The following EXOC3L2 variants were observed in gnomAD, a reference collection of about 807,000 sequenced individuals.
EXOC3L2 encodes exocyst complex component 3-like protein 2.
A neutral mutation model predicts 44.4 loss-of-function variants in EXOC3L2; 17 were observed. The observed-to-expected ratio is 0.38, with a 90% confidence interval of 0.26 to 0.57. The LOEUF (loss-of-function observed/expected upper bound fraction) is 0.57. Ranked by LOEUF, EXOC3L2 falls within the 20% of genes least tolerant of loss-of-function variation. EXOC3L2 has a pLI of 0.65. For missense variants in EXOC3L2, 541 were observed against 588.4 expected (o/e 0.92, Z 0.83); for synonymous variants, 256 against 253.7 (o/e 1.01, Z -0.09).
intron 7 of EXOC3L2, 48 bp from the exon 8 acceptor site, chr19:45,224,961 C>T (rs1599763304): frequency 6.7e-7 from 1 of 1,488,876 alleles, no homozygotes; most frequent in East Asian, 2.4e-5. Flanking sequence ...ACATCTCAGC[C>T]CAACTGCCTA....
chr19:45,233,848 GA>G (rs1397026792), intron 3 of EXOC3L2, among the ~76,000 whole-genome samples: 1 of 152,144 alleles, frequency 6.6e-6, no homozygotes, highest in Non-Finnish European at 1.5e-5. Flanking sequence ...AGGACTAGAG[GA>G]ATCAATGGTG....
intron 2 of EXOC3L2, among the ~76,000 whole-genome samples, chr19:45,236,936 C>T (rs1468237657): frequency 1.3e-5 from 2 of 149,748 alleles, no homozygotes; most frequent in African/African-American, 2.5e-5. Context: ...ACCCAGGAAG[C>T]GGAGGTTGCA....
intron 2 of EXOC3L2, among the ~76,000 whole-genome samples, chr19:45,235,103 C>T (rs1262444324): frequency 6.6e-6 from 1 of 152,066 alleles, no homozygotes; most frequent in Non-Finnish European, 1.5e-5. Flanking sequence ...GAGTTCAAGA[C>T]CAGCCTGGCC....
At chr19:45,236,466 A>G (rs1970084991) in intron 2 of EXOC3L2, among the ~76,000 whole-genome samples, 1 of 49,038 alleles carries the variant, frequency 2.0e-5, no homozygotes, top group Non-Finnish European at 5.3e-5. Flanking sequence ...ACTCCATCTC[A>G]AAAAAAAAAA....
At chr19:45,230,435 GTCTCAA>G (rs2122979762) in intron 4 of EXOC3L2, among the ~76,000 whole-genome samples, 1 of 152,058 alleles carries the variant, frequency 6.6e-6, no homozygotes, top group East Asian at 1.9e-4. Context: ...AGCCAGGATG[GTCTCAA>G]TCTCCTGACC....
At position 45,218,070 on chromosome 19, in the gene EXOC3L2, G is replaced by C. The variant is rs1333092355; in HGVS notation, c.1842+127C>G. 4 of 1,302,150 alleles carry C rather than the reference G, an allele frequency of 3.1e-6. 1 individual carries two copies. In the African/African-American group the frequency reaches 5.9e-5, roughly 19 times the overall value. The allele number at this position is 1,302,150 out of a possible 1,614,324, so 80.7% of individuals were successfully genotyped here. On this transcript the variant is annotated intron_variant, in intron 9 of 11. Transcript: ENST00000413988. ...AGGGAGCCGCTCCCCACCTTAGAGG[G>C]GTTTCCTCCAGCAGGAGCGTTCTTG... is the stretch of plus-strand genomic sequence containing the variant.
At chr19:45,243,088 G>A (rs1970143433) in intron 1 of EXOC3L2, among the ~76,000 whole-genome samples, 1 of 152,084 alleles carries the variant, frequency 6.6e-6, no homozygotes, top group African/African-American at 2.4e-5. Context: ...CATACTATTT[G>A]TATCTTGCAA....
chr19:45,214,367 T>C (rs187175824), intron 11 of EXOC3L2, among the ~76,000 whole-genome samples: 3 of 152,308 alleles, frequency 2.0e-5, no homozygotes, highest in Admixed American at 6.5e-5. Context: ...AGGACTGGCG[T>C]TGCTCCGGCA....
chr19:45,218,321 T>C lies in EXOC3L2; in HGVS notation c.1720-2A>G. ...GCGCATCAGCTTGTTGAAGTGTGGC[T>C]GGCAGGGACAGAGTAGGGGGTCACG... On this transcript the variant is annotated splice_acceptor_variant, in intron 8 of 11. Transcript: ENST00000413988. LOFTEE classifies it high-confidence loss of function. 1 of 1,600,554 alleles carries C rather than the reference T, an allele frequency of 6.2e-7. No individual in the cohort carries two copies. Among genetic ancestry groups the C allele is most frequent in the Non-Finnish European group, 8.5e-7 (1 of 1,173,142 alleles).
In EXOC3L2 at chr19:45,218,309, T is replaced by C. The variant is rs1969859820; in HGVS notation, c.1730A>G (p.Asn577Ser). 6.2e-7 allele frequency: 1 copy of C among 1,605,252 alleles called. No individual in the cohort carries two copies. Among genetic ancestry groups the C allele is most frequent in the African/African-American group, 1.3e-5 (1 of 74,764 alleles). ...CAGCCACTTCCGGCGCATCAGCTTG[T>C]TGAAGTGTGGCTGGCAGGGACAGAG... The part of the protein sequence containing the change: ...LLFQELQPHF[N>S]KLMRRKWLSS... Residue 577 changes from asparagine to serine, a missense_variant, in exon 9 of 12, where the codon AAC (asparagine) becomes AGC (serine). Coordinates refer to ENST00000413988, the MANE Select transcript of EXOC3L2 (RefSeq NM_001382422.1).
rs556041279 is a variant in EXOC3L2 at position 45,238,130 on chromosome 19, A to G, written c.523+393T>C. Among the ~76,000 whole-genome samples the G allele has an allele frequency of 6.6e-6, 1 of 152,052 alleles. No individual in the cohort carries two copies. Among genetic ancestry groups the G allele is most frequent in the Non-Finnish European group, 1.5e-5 (1 of 68,016 alleles). On this transcript the variant is annotated intron_variant, in intron 2 of 11. Coordinates refer to ENST00000413988, the MANE Select transcript of EXOC3L2 (RefSeq NM_001382422.1). The surrounding 1 kb of genome is among the most constrained non-coding windows in gnomAD (Gnocchi z 5.5). ...TCCAGCCTGGGCGACAGAGGCAAAAAAATAATAATAATAAAATAAATAAAA... is the reference window on the plus strand; with the variant it reads ...TCCAGCCTGGGCGACAGAGGCAAAAGAATAATAATAATAAAATAAATAAAA...
chr19:45,226,346 A>G (rs1389207298), intron 7 of EXOC3L2, among the ~76,000 whole-genome samples: 1 of 152,200 alleles, frequency 6.6e-6, no homozygotes, highest in African/African-American at 2.4e-5. Flanking sequence ...TCATGCTTGT[A>G]ATGCCAGCAT....
In EXOC3L2 at chr19:45,213,236, G is replaced by T; in HGVS notation, c.2242C>A (p.Arg748=). Reference sequence around the variant, plus strand: ...ATGTCTGCAAAGAAGGCACGGTCCCGAGGGGGTGACAGGGCTCCCTCCTCA... The same window carrying T: ...ATGTCTGCAAAGAAGGCACGGTCCCTAGGGGGTGACAGGGCTCCCTCCTCA... ...LSEEGALSPP[R]DRAFFADIPV... Residue 748 remains arginine (R), a synonymous_variant, in exon 12 of 12, where the codon CGG becomes AGG. Coordinates refer to ENST00000413988, the MANE Select transcript of EXOC3L2 (RefSeq NM_001382422.1). The T allele has an allele frequency of 6.2e-7, 1 of 1,613,066 alleles. No homozygotes were observed. Among genetic ancestry groups the T allele is most frequent in the Non-Finnish European group, 8.5e-7 (1 of 1,179,506 alleles).
chr19:45,216,036 A>AGGGCACGGCGGCCAG, intron 11 of EXOC3L2, 37 bp downstream of exon 11: 1 of 1,608,846 alleles, frequency 6.2e-7, no homozygotes. Context: ...GACCTCGGCC[A>AGGGCACGGCGGCCAG]GGCACGGCGA....
chr19:45,215,568 T>C lies in EXOC3L2; in HGVS notation c.2120+505A>G, dbSNP rs776310226. ...CTGGAATTGTTACTATAGTCATGGA[T>C]GATGATGATGATGATGATGATGATA... On this transcript the variant is annotated intron_variant, in intron 11 of 11. Transcript: ENST00000413988. 2.3e-4 allele frequency among the ~76,000 whole-genome samples: 35 copies of C among 150,612 alleles called. 1 individual carries two copies. The highest frequency in any genetic ancestry group is 1.7e-3 in the Admixed American group (25 of 15,132).
At chr19:45,241,477 CAAAA>C (rs554632176) in intron 1 of EXOC3L2, among the ~76,000 whole-genome samples, 5 of 94,850 alleles carry the variant, frequency 5.3e-5, no homozygotes, top group Non-Finnish European at 6.1e-5. Context: ...GACTCCATCT[CAAAA>C]AAAAAAAAAA....
Position 45,234,055 on chromosome 19 carries a change from C to G in EXOC3L2, c.1157+138G>C, listed in dbSNP as rs1363596174. ...GGATTGTAACTGTCAGCGGTGCTGA[C>G]GACTGGATGGGTTAATGGTGTTAAA... is the stretch of plus-strand genomic sequence containing the variant. On this transcript the variant is annotated intron_variant, in intron 3 of 11. Coordinates refer to ENST00000413988, the MANE Select transcript of EXOC3L2 (RefSeq NM_001382422.1). The surrounding 1 kb of genome is among the most constrained non-coding windows in gnomAD (Gnocchi z 5.0). 1 of 372,458 alleles carries G rather than the reference C, an allele frequency of 2.7e-6. No homozygotes were observed. The highest frequency in any genetic ancestry group is 3.9e-5 in the East Asian group (1 of 25,768). 23.1% of individuals were successfully genotyped at this position (372,458 alleles called of 1,614,324 possible).
intron 1 of EXOC3L2, among the ~76,000 whole-genome samples, chr19:45,239,348 G>T (rs2122992608): frequency 6.7e-6 from 1 of 150,346 alleles, no homozygotes; most frequent in Non-Finnish European, 1.5e-5. Flanking sequence ...CTCCTGAGTA[G>T]CTGGGACTAC....
Position 45,238,382 on chromosome 19 carries a change from T to C in EXOC3L2, c.523+141A>G, listed in dbSNP as rs1970101779. The C allele has an allele frequency of 1.8e-5, 7 of 398,580 alleles. No individual in the cohort carries two copies. The South Asian group carries it at 7.1e-4, about 40-fold the overall frequency. 24.7% of individuals were successfully genotyped at this position (398,580 alleles called of 1,614,324 possible). ...GGAGCTGGCATGGAGGTGGGAGATG[T>C]GAGTTAGACATGTGAATTGCAGGTC... On this transcript the variant is annotated intron_variant, in intron 2 of 11. Transcript: ENST00000413988. This position sits in a 1 kb window ranked among gnomAD's most constrained non-coding sequence, Gnocchi z 5.5.
Sources: allele counts gnomAD v4.1 joint callset (sites outside exome capture counted in the v4.1 genomes callset), GRCh38; gene constraint gnomAD v4.1.1; non-coding constraint Gnocchi (gnomAD v3.1); transcripts MANE v1.5; gene names NCBI Gene and HGNC (gene_info 2026-07-23, HGNC 2026-07-21).